GPC6: variants seen among roughly 807,000 people sequenced by gnomAD.
The protein encoded by GPC6 is glypican-6.
In GPC6, 14 loss-of-function variants were observed where a neutral mutation model predicts 55.2. The ratio of observed to expected loss-of-function variants is 0.25; its 90% CI spans 0.17 to 0.40. The LOEUF (loss-of-function observed/expected upper bound fraction) is 0.40, where lower values mean the gene tolerates loss of function less well. GPC6 is among the 10% of genes least tolerant of loss of function. The probability of loss-of-function intolerance (pLI) is 1.00; values close to 1 mark genes in which losing one functional copy is unlikely to be tolerated. For synonymous variants in GPC6, 278 were observed against 259.6 expected, an observed-to-expected ratio of 1.07 and a Z score of -0.68; for missense variants, 641 against 708.5, an observed-to-expected ratio of 0.90 and a Z score of 1.08.
At chr13:93,868,119 G>A (rs1198607205) in intron 3 of GPC6, among the ~76,000 whole-genome samples, 1 of 151,744 alleles carries the variant, frequency 6.6e-6, no homozygotes, top group East Asian at 2.0e-4. Context: ...CTTCACACAT[G>A]CTAAAAGTTT....
intron 1 of GPC6, among the ~76,000 whole-genome samples, chr13:93,368,025 T>G (rs913150385): frequency 1.3e-5 from 2 of 152,132 alleles, no homozygotes; most frequent in African/African-American, 4.8e-5. Flanking sequence ...AAAAGATGGT[T>G]GTTAAAATCT....
chr13:94,344,416 T>C (rs9589960), intron 6 of GPC6, among the ~76,000 whole-genome samples: 36,823 of 152,120 alleles, frequency 0.24, 4,658 homozygotes, highest in South Asian at 0.39. Context: ...AACAACAATC[T>C]CCACGAAGCA....
At chr13:93,868,384 A>C (rs1434491148) in intron 3 of GPC6, among the ~76,000 whole-genome samples, 1 of 151,924 alleles carries the variant, frequency 6.6e-6, no homozygotes, top group East Asian at 2.0e-4. Context: ...TTATTAAGTT[A>C]ATAATAATTC....
chr13:93,979,350 T>A (rs559567718), intron 3 of GPC6, among the ~76,000 whole-genome samples: 2 of 149,722 alleles, frequency 1.3e-5, no homozygotes, highest in South Asian at 4.2e-4. Flanking sequence ...TGTGTGTTTT[T>A]TTTAATTTTT....
chr13:94,270,523 T>C (rs1011788476), intron 4 of GPC6, among the ~76,000 whole-genome samples: 16 of 152,364 alleles, frequency 1.1e-4, no homozygotes, highest in African/African-American at 3.8e-4. Flanking sequence ...AGAGTTAACA[T>C]CTGAAAGGAA....
At chr13:93,237,021 A>G (rs1361201949) in intron 1 of GPC6, among the ~76,000 whole-genome samples, 2 of 152,168 alleles carry the variant, frequency 1.3e-5, no homozygotes, top group Non-Finnish European at 2.9e-5. Context: ...TTGTGTTGTG[A>G]TAAATATATG....
chr13:93,479,283 G>A (rs952816117), intron 1 of GPC6, among the ~76,000 whole-genome samples: 3 of 152,074 alleles, frequency 2.0e-5, no homozygotes, highest in Non-Finnish European at 2.9e-5. Context: ...GGGCAAGCTC[G>A]ATTTGACAAT....
At chr13:94,170,670 A>T (rs1190615842) in intron 4 of GPC6, among the ~76,000 whole-genome samples, 1 of 152,200 alleles carries the variant, frequency 6.6e-6, no homozygotes, top group Non-Finnish European at 1.5e-5. Flanking sequence ...TTCAAATTTG[A>T]AACTCATGGA....
At chr13:94,091,148 T>A (rs1219041348) in intron 4 of GPC6, among the ~76,000 whole-genome samples, 1 of 152,186 alleles carries the variant, frequency 6.6e-6, no homozygotes, top group African/African-American at 2.4e-5. Flanking sequence ...AGAAATGTTT[T>A]ATCAAAGATA....
chr13:94,334,291 C>T (rs1206677732), intron 6 of GPC6, among the ~76,000 whole-genome samples: 1 of 152,200 alleles, frequency 6.6e-6, no homozygotes, highest in Non-Finnish European at 1.5e-5. Flanking sequence ...CAGCAGCCAG[C>T]TGGAGACCAC....
intron 2 of GPC6, among the ~76,000 whole-genome samples, chr13:93,638,542 T>C (rs924478973): frequency 6.6e-6 from 1 of 152,246 alleles, no homozygotes; most frequent in Non-Finnish European, 1.5e-5. Context: ...GAATCATCTG[T>C]CTGGACATAC....
intron 2 of GPC6, among the ~76,000 whole-genome samples, chr13:93,561,878 C>T (rs773498155): frequency 6.6e-6 from 1 of 152,102 alleles, no homozygotes; most frequent in Non-Finnish European, 1.5e-5. Context: ...CCACCCATTG[C>T]AGGCTTGGGG....
chr13:93,895,237 T>C (rs1316301264), intron 3 of GPC6, among the ~76,000 whole-genome samples: 54 of 33,870 alleles, frequency 1.6e-3, no homozygotes, highest in African/African-American at 6.6e-3. Flanking sequence ...TGTGTGTGTA[T>C]ATATATATAT....
chr13:94,090,932 C>G (rs1402843540), intron 4 of GPC6, among the ~76,000 whole-genome samples: 1 of 152,060 alleles, frequency 6.6e-6, no homozygotes, highest in Non-Finnish European at 1.5e-5. Flanking sequence ...CTGTTCATGG[C>G]TATTAATAGG....
At chr13:94,162,351 A>T (rs1021278655) in intron 4 of GPC6, among the ~76,000 whole-genome samples, 2 of 152,150 alleles carry the variant, frequency 1.3e-5, no homozygotes, top group African/African-American at 4.8e-5. Context: ...TTCCTCATTC[A>T]TGTCCAGCAG....
rs1348509264 is a variant in GPC6, at chr13:93,493,360, G to T, written c.161-51903G>T. On this transcript the variant is annotated intron_variant, in intron 1 of 8. Coordinates refer to ENST00000377047, the MANE Select transcript of GPC6 (RefSeq NM_005708.5). ...GGTAGTTTGTATTTCTGTGGGATCG[G>T]TGGTGATATCCCCTTTATCATTTTT... Among the ~76,000 whole-genome samples, 2 of 63,678 alleles carry T rather than the reference G, an allele frequency of 3.1e-5. 1 individual carries two copies. The highest frequency in any genetic ancestry group is 6.3e-5 in the Non-Finnish European group (2 of 31,958). 41.8% of individuals were successfully genotyped at this position (63,678 alleles called of 152,430 possible).
intron 3 of GPC6, among the ~76,000 whole-genome samples, chr13:93,873,305 C>T (rs1004178507): frequency 6.6e-6 from 1 of 151,924 alleles, no homozygotes; most frequent in East Asian, 1.9e-4. Context: ...TTCTGTTTAA[C>T]ATTGCCTCTT....
chr13:93,656,184 T>C (rs9301899), intron 2 of GPC6, among the ~76,000 whole-genome samples: 39,584 of 151,966 alleles, frequency 0.26, 5,768 homozygotes, highest in East Asian at 0.47. Context: ...TCAGCTAATT[T>C]TGAAATAATT....
At chr13:93,797,874 C>G (rs1886249212) in intron 2 of GPC6, among the ~76,000 whole-genome samples, 1 of 152,018 alleles carries the variant, frequency 6.6e-6, no homozygotes, top group South Asian at 2.1e-4. Context: ...GTCTCTATTT[C>G]CAGTGGGTTT....
Sources: allele counts gnomAD v4.1 joint callset (sites outside exome capture counted in the v4.1 genomes callset), GRCh38; gene constraint gnomAD v4.1.1; transcripts MANE v1.5; gene names NCBI Gene and HGNC (gene_info 2026-07-23, HGNC 2026-07-21).